Variants in GON4L observed in about 807,000 individuals in gnomAD.
The protein encoded by GON4L is gon-4 like.
In GON4L, 87 loss-of-function variants were observed where a neutral mutation model predicts 211.8. That is an observed-to-expected ratio of 0.41 (90% CI 0.35 to 0.49). GON4L has a LOEUF of 0.49. GON4L is among the 20% of genes least tolerant of loss of function. The pLI, the probability that GON4L is intolerant of heterozygous loss-of-function variation, is 0.15. For missense variants in GON4L, 2,155 were observed against 2,659.5 expected (o/e 0.81, Z 4.17); for synonymous variants, 875 against 962.6 (o/e 0.91, Z 1.68).
chr1:155,853,604 G>A lies in GON4L; in HGVS notation c.177C>T (p.Phe59=), dbSNP rs1410060866. The A allele has an allele frequency of 1.4e-5, 23 of 1,613,904 alleles. No individual in the cohort carries two copies. The highest frequency in any genetic ancestry group is 1.6e-5 in the Non-Finnish European group (19 of 1,179,960). Residue 59 remains phenylalanine (F), a synonymous_variant, in exon 2 of 32, where the codon TTC becomes TTT. Transcript: ENST00000368331. ...WDPSHGRVAG[F]EVQSLQDAGN... ...CTGCATCCTGCAAAGACTGTACTTC[G>A]AAGCCAGCTACTCTGCCATGACTTG...
downstream of GON4L, chr1:155,748,727 T>C (rs1414948990): frequency 1.2e-6 from 2 of 1,614,074 alleles, no homozygotes; most frequent in African/African-American, 1.3e-5. Flanking sequence ...GGGAGCCTTC[T>C]GGAACACGTT....
At chr1:155,779,040 G>A (rs546113665) in intron 14 of GON4L, among the ~76,000 whole-genome samples, 1 of 151,946 alleles carries the variant, frequency 6.6e-6, no homozygotes, top group Admixed American at 6.6e-5. Context: ...GCAGAGGTGG[G>A]CGGATCACGA....
At chr1:155,803,417 T>G (rs1621690) in intron 11 of GON4L, among the ~76,000 whole-genome samples, 142,308 of 152,002 alleles carry the variant, frequency 0.94, 67,373 homozygotes, top group East Asian at 1. Flanking sequence ...GCAAATTTTT[T>G]TATTTTTAGT....
chr1:155,779,580 G>A (rs1664204607), intron 14 of GON4L, among the ~76,000 whole-genome samples: 1 of 152,098 alleles, frequency 6.6e-6, no homozygotes, highest in African/African-American at 2.4e-5. Context: ...CTCCCAAAGT[G>A]CTGGAATCAG....
chr1:155,794,441 T>C (rs146459455), intron 12 of GON4L, among the ~76,000 whole-genome samples: 3 of 152,296 alleles, frequency 2.0e-5, no homozygotes, highest in Non-Finnish European at 4.4e-5. Flanking sequence ...CTACCACTTC[T>C]CTGTCTTTTC....
At chr1:155,835,630 T>C (rs1220163534) in intron 2 of GON4L, among the ~76,000 whole-genome samples, 1 of 152,172 alleles carries the variant, frequency 6.6e-6, no homozygotes. Context: ...GATGCCTGGA[T>C]ACTCTGGGTA....
rs915793183 is a variant in GON4L, at chr1:155,763,624, A to C, written c.4474-60T>G. 7 of 1,372,812 alleles carry C rather than the reference A, an allele frequency of 5.1e-6. No homozygotes were observed. The African/African-American group carries it at 5.8e-5, about 11-fold the overall frequency. 85.0% of individuals were successfully genotyped at this position (1,372,812 alleles called of 1,614,324 possible). ...CTTAGTGGCTCATGAATTGCAAACA[A>C]CACAAAGCTATATCAGGATAATCTG... On this transcript the variant is annotated intron_variant, in intron 21 of 31. Coordinates refer to ENST00000368331, the MANE Select transcript of GON4L (RefSeq NM_001282860.2).
chr1:155,841,224 G>C (rs545888931), intron 2 of GON4L, among the ~76,000 whole-genome samples: 3 of 152,018 alleles, frequency 2.0e-5, no homozygotes, highest in Non-Finnish European at 2.9e-5. Context: ...TTTTTTGTTT[G>C]AAACATTGCT....
chr1:155,825,870 C>T (rs1669159824), intron 3 of GON4L, among the ~76,000 whole-genome samples: 1 of 151,912 alleles, frequency 6.6e-6, no homozygotes, highest in Non-Finnish European at 1.5e-5. Context: ...CGGTGAAACC[C>T]CGTCTCTACA....
chr1:155,775,510 A>G (rs996217737), intron 16 of GON4L, among the ~76,000 whole-genome samples: 220 of 149,798 alleles, frequency 1.5e-3, no homozygotes, highest in African/African-American at 5.4e-3. Flanking sequence ...GCTGGAGCGT[A>G]GTGGTGCGAT....
chr1:155,828,192 G>T (rs560835341), intron 2 of GON4L, among the ~76,000 whole-genome samples: 1 of 151,722 alleles, frequency 6.6e-6, no homozygotes, highest in East Asian at 1.9e-4. Flanking sequence ...AAATATTCAT[G>T]TAGTATTAAA....
At chr1:155,816,065 T>C in intron 7 of GON4L, 147 bp downstream of exon 7, 1 of 697,714 alleles carries the variant, frequency 1.4e-6, no homozygotes, top group South Asian at 1.6e-5. Context: ...TTCCATGAGA[T>C]ACAAACCTAA....
At chr1:155,777,347 G>A (rs895619587) in intron 15 of GON4L, among the ~76,000 whole-genome samples, 2 of 152,180 alleles carry the variant, frequency 1.3e-5, no homozygotes, top group Non-Finnish European at 2.9e-5. Context: ...TTAGGAGGCC[G>A]AGGCGGGCGG....
At chr1:155,763,907 G>T (rs1662112936) in intron 21 of GON4L, among the ~76,000 whole-genome samples, 1 of 151,870 alleles carries the variant, frequency 6.6e-6, no homozygotes, top group South Asian at 2.1e-4. Context: ...GGAGGTTGAG[G>T]CATGAGAATT....
chr1:155,817,802 T>C (rs2102222686), intron 6 of GON4L, among the ~76,000 whole-genome samples: 1 of 151,978 alleles, frequency 6.6e-6, no homozygotes, highest in South Asian at 2.1e-4. Context: ...CACATGCCTA[T>C]AGGCCTAGCT....
chr1:155,858,402 C>A (rs1270613394), upstream of GON4L, among the ~76,000 whole-genome samples: 1 of 152,124 alleles, frequency 6.6e-6, no homozygotes, highest in Admixed American at 6.6e-5. Flanking sequence ...TTATCCACAG[C>A]CAAAATGAAG....
Position 155,813,939 on chromosome 1 carries a change from T to C in GON4L, c.1282-135A>G. ...TGTCCTTTCTCTTCTCTAGTTAGAG[T>C]TACATAAAAACAAAGACACCAAGTG... On this transcript the variant is annotated intron_variant, in intron 9 of 31. Transcript: ENST00000368331. The C allele has an allele frequency of 4.1e-6, 3 of 728,368 alleles. No homozygotes were observed. In the South Asian group the frequency reaches 4.8e-5, roughly 12 times the overall value. 45.1% of individuals were successfully genotyped at this position (728,368 alleles called of 1,614,324 possible).
chr1:155,785,280 T>G, intron 13 of GON4L, 54 bp downstream of exon 13: 2 of 1,137,314 alleles, frequency 1.8e-6, no homozygotes, highest in Non-Finnish European at 2.7e-6. Flanking sequence ...ATGACACATC[T>G]TGCTGGAGAA....
At chr1:155,807,481 C>T (rs1294187556) in intron 10 of GON4L, among the ~76,000 whole-genome samples, 2 of 151,710 alleles carry the variant, frequency 1.3e-5, no homozygotes, top group African/African-American at 4.8e-5. Context: ...ACAAGGTGGG[C>T]GGATCACGAG....
Sources: gnomAD v4.1 joint callset for allele counts (sites outside exome capture counted in the v4.1 genomes callset) on GRCh38, gnomAD v4.1.1 for gene constraint, MANE v1.5 for transcripts, NCBI Gene and HGNC (gene_info 2026-07-23, HGNC 2026-07-21) for gene names.